KIR3DL2: variants seen among roughly 807,000 people sequenced by gnomAD.
KIR3DL2 encodes the protein killer cell immunoglobulin like receptor, three Ig domains and long cytoplasmic tail 2.
In KIR3DL2, 42 loss-of-function variants were observed where a neutral mutation model predicts 41.6. The ratio of observed to expected loss-of-function variants is 1.01; its 90% CI spans 0.79 to 1.31. KIR3DL2 has a LOEUF of 1.31. Among genes scored for constraint, KIR3DL2 ranks in the 50% most tolerant of loss-of-function variants. The pLI, the probability that KIR3DL2 is intolerant of heterozygous loss-of-function variation, is 0.00. For synonymous variants in KIR3DL2, 230 were observed against 221.3 expected (o/e 1.04, Z -0.35); for missense variants, 728 against 576.8 (o/e 1.26, Z -2.68).
At position 54,852,227 on chromosome 19, in the gene KIR3DL2, A is replaced by G; in HGVS notation, c.300A>G (p.Pro100=). ...AGTYRCRGSR[P]HSLTGWSAPS... Reference sequence around the variant, plus strand: ...CCTACAGATGTCGGGGTTCACGCCCACACTCCCTCACTGGGTGGTCGGCAC... The same window carrying G: ...CCTACAGATGTCGGGGTTCACGCCCGCACTCCCTCACTGGGTGGTCGGCAC... The change falls in exon 3 of 9, where the codon CCA becomes CCG. Residue 100 remains proline, a synonymous_variant. Transcript: ENST00000326321. The G allele has an allele frequency of 6.2e-7, 1 of 1,611,350 alleles. No individual in the cohort carries two copies. The highest frequency in any genetic ancestry group is 1.1e-5 in the South Asian group (1 of 91,048).
Position 54,865,906 on chromosome 19 carries a change from A to G in KIR3DL2, c.1102A>G (p.Lys368Glu), listed in dbSNP as rs2065477192. ...FLLYRWCSNK[K>E]NAAVMDQEPA... ...CCTTTATCGCTGGTGCTCCAACAAAAAGAGTAAGTCTCACGAAGCAGAGGC... is the reference window on the plus strand; with the variant it reads ...CCTTTATCGCTGGTGCTCCAACAAAGAGAGTAAGTCTCACGAAGCAGAGGC... The change falls in exon 7 of 9, where the codon AAG becomes GAG. Residue 368 changes from lysine (K) to glutamate (E), a missense_variant. By Grantham distance (56) the Lys-to-Glu change is moderately conservative. Coordinates refer to ENST00000326321, the MANE Select transcript of KIR3DL2 (RefSeq NM_006737.4). 6.2e-7 allele frequency: 1 copy of G among 1,611,488 alleles called. No individual in the cohort carries two copies. Among genetic ancestry groups the G allele is most frequent in the African/African-American group, 1.3e-5 (1 of 74,890 alleles).
In KIR3DL2 at chr19:54,865,925, CA is replaced by C; in HGVS notation, c.1105+17del. On this transcript the variant is annotated intron_variant, in intron 7 of 8. Transcript: ENST00000326321. ...AACAAAAAGAGTAAGTCTCACGAAG[CA>C]GAGGCCAGAGAGCTCAGGGCCATGT... The C allele has an allele frequency of 6.3e-7, 1 of 1,598,574 alleles. No individual in the cohort carries two copies. The highest frequency in any genetic ancestry group is 8.6e-7 in the Non-Finnish European group (1 of 1,166,948).
rs1461116858 is a variant in KIR3DL2 at position 54,860,600 on chromosome 19, C to G, written c.1000+1471C>G. ...ATGTTGGCCAGGCTGGTCTCAAATT[C>G]CCAACCTCAGGTGATCCAATAGCCT... On this transcript the variant is annotated intron_variant, in intron 6 of 8. Transcript: ENST00000326321. 1.4e-4 allele frequency among the ~76,000 whole-genome samples: 22 copies of G among 151,940 alleles called. 1 individual carries two copies. The highest frequency in any genetic ancestry group is 4.4e-5 in the Non-Finnish European group (3 of 67,970).
In KIR3DL2 at chr19:54,857,781, G is replaced by T. The variant is rs2064897272; in HGVS notation, c.950-1298G>T. Among the ~76,000 whole-genome samples the T allele has an allele frequency of 4.0e-5, 6 of 151,760 alleles. No homozygotes were observed. The South Asian group carries it at 1.2e-3, about 31-fold the overall frequency. ...TGGTCAGGCTGGTCTCCCGACCTCA[G>T]GTGATCCGCCCACCTCCGCCTCCCA... On this transcript the variant is annotated intron_variant, in intron 5 of 8. Transcript: ENST00000326321.
chr19:54,860,476 TCTC>T (rs1255912498), intron 6 of KIR3DL2, among the ~76,000 whole-genome samples: 3 of 151,998 alleles, frequency 2.0e-5, no homozygotes, highest in Non-Finnish European at 2.9e-5. Context: ...GCTGAACTGA[TCTC>T]CTCCCTCAGC....
At chr19:54,855,425 G>A (rs1487133946) in intron 4 of KIR3DL2, among the ~76,000 whole-genome samples, 194 bp from the exon 5 acceptor site, 1 of 151,286 alleles carries the variant, frequency 6.6e-6, no homozygotes, top group African/African-American at 2.4e-5. Flanking sequence ...CCCAGGGGTG[G>A]GGAAGTGAGG....
intron 2 of KIR3DL2, among the ~76,000 whole-genome samples, chr19:54,851,608 T>G (rs910062695): frequency 1.3e-5 from 2 of 151,424 alleles, no homozygotes; most frequent in African/African-American, 4.9e-5. Context: ...GCAGTGTGGC[T>G]GCGGTCTTTC....
At chr19:54,851,311 G>T in intron 2 of KIR3DL2, 56 bp downstream of exon 2, 1 of 1,569,966 alleles carries the variant, frequency 6.4e-7, no homozygotes, top group Non-Finnish European at 8.7e-7. Flanking sequence ...GGATTTTTCT[G>T]AAACAGGAGG....
chr19:54,863,326 G>A (rs2065308037), intron 6 of KIR3DL2, among the ~76,000 whole-genome samples: 1 of 151,960 alleles, frequency 6.6e-6, no homozygotes, highest in African/African-American at 2.4e-5. Flanking sequence ...ACGTGTCCAT[G>A]TGTCTTTATA....
At chr19:54,862,830 G>A (rs1440078973) in intron 6 of KIR3DL2, among the ~76,000 whole-genome samples, 6 of 84,318 alleles carry the variant, frequency 7.1e-5, no homozygotes, top group African/African-American at 2.4e-4. Flanking sequence ...TTTTTGTATA[G>A]TGCTTCTGAT....
rs1285715409 is a variant in KIR3DL2 at position 54,853,807 on chromosome 19, C to T, written c.416C>T (p.Thr139Ile). ...HPGPLLKSGETVILQCWSDVM... is the reference protein window; with the variant it reads ...HPGPLLKSGEIVILQCWSDVM... Reference sequence around the variant, plus strand: ...GGGCCCCTGCTGAAATCAGGAGAGACAGTCATCCTGCAATGTTGGTCAGAT... The same window carrying T: ...GGGCCCCTGCTGAAATCAGGAGAGATAGTCATCCTGCAATGTTGGTCAGAT... The change falls in exon 4 of 9, where the codon ACA (threonine) becomes ATA (isoleucine). Residue 139 changes from threonine (T) to isoleucine (I), a missense_variant. Coordinates refer to ENST00000326321, the MANE Select transcript of KIR3DL2 (RefSeq NM_006737.4). 1.2e-6 allele frequency: 2 copies of T among 1,612,246 alleles called. No individual in the cohort carries two copies. The highest frequency in any genetic ancestry group is 1.7e-6 in the Non-Finnish European group (2 of 1,178,956).
At position 54,865,696 on chromosome 19, in the gene KIR3DL2, T is replaced by G; in HGVS notation, c.1001-109T>G. On this transcript the variant is annotated intron_variant, in intron 6 of 8. Transcript: ENST00000326321. Reference sequence around the variant, plus strand: ...GCTGGGTCTCCCGCCATCAGGCTGCTTGTCCTAAGGAGATGTTCCATGTGG... The same window carrying G: ...GCTGGGTCTCCCGCCATCAGGCTGCGTGTCCTAAGGAGATGTTCCATGTGG... 4 of 953,248 alleles carry G rather than the reference T, an allele frequency of 4.2e-6. No individual in the cohort carries two copies. In the South Asian group the frequency reaches 5.8e-5, roughly 14 times the overall value. The allele number at this position is 953,248 out of a possible 1,614,324, so 59.0% of individuals were successfully genotyped here.
At chr19:54,866,285 C>A in intron 7 of KIR3DL2, 85 bp from the exon 8 acceptor site, 1 of 1,407,274 alleles carries the variant, frequency 7.1e-7, no homozygotes, top group Non-Finnish European at 1.0e-6. Context: ...CACCTACAGC[C>A]TCCCCCTGTG....
At chr19:54,852,970 G>A (rs2064412975) in intron 3 of KIR3DL2, among the ~76,000 whole-genome samples, 2 of 149,508 alleles carry the variant, frequency 1.3e-5, no homozygotes, top group African/African-American at 2.5e-5. Flanking sequence ...GGATAGCCAG[G>A]TGTGGTGGTG....
Position 54,865,910 on chromosome 19 carries a change from GT to G in KIR3DL2, c.1105+2del. On this transcript the variant is annotated splice_donor_variant, in intron 7 of 8. Coordinates refer to ENST00000326321, the MANE Select transcript of KIR3DL2 (RefSeq NM_006737.4). LOFTEE classifies it high-confidence loss of function. ...TATCGCTGGTGCTCCAACAAAAAGA[GT>G]AAGTCTCACGAAGCAGAGGCCAGAG... is the stretch of plus-strand genomic sequence containing the variant. 1 of 1,610,522 alleles carries G rather than the reference GT, an allele frequency of 6.2e-7. No individual in the cohort carries two copies. The highest frequency in any genetic ancestry group is 8.5e-7 in the Non-Finnish European group (1 of 1,177,262).
Position 54,852,186 on chromosome 19 carries a change from C to G in KIR3DL2, c.259C>G (p.Pro87Ala), listed in dbSNP as rs372468732. ...GAGCTTCATCATGGGCCCTGTGACC[C>G]CAGCACATGCAGGGACCTACAGATG... The part of the protein sequence containing the change: ...QESFIMGPVT[P>A]AHAGTYRCRG... The change falls in exon 3 of 9, where the codon CCA becomes GCA. Residue 87 changes from proline to alanine, a missense_variant. Coordinates refer to ENST00000326321, the MANE Select transcript of KIR3DL2 (RefSeq NM_006737.4). 2 of 1,612,266 alleles carry G rather than the reference C, an allele frequency of 1.2e-6. No homozygotes were observed. The highest frequency in any genetic ancestry group is 1.7e-6 in the Non-Finnish European group (2 of 1,179,384).
At chr19:54,855,019 ATGAT>A (rs1308805491) in intron 4 of KIR3DL2, among the ~76,000 whole-genome samples, 1 of 145,330 alleles carries the variant, frequency 6.9e-6, no homozygotes. Context: ...TACATAGATG[ATGAT>A]TGATAGATGA....
rs189906225 is a variant in KIR3DL2 at position 54,866,576 on chromosome 19, G to A, written c.1213G>A (p.Val405Ile). The A allele has an allele frequency of 9.0e-5, 146 of 1,614,008 alleles. No individual in the cohort carries two copies. The Middle Eastern group carries it at 1.6e-3, about 18-fold the overall frequency. ...EVTYAQLDHCVFIQRKISRPS... is the reference protein window; with the variant it reads ...EVTYAQLDHCIFIQRKISRPS... ...GACGTACGCACAGTTGGATCACTGC[G>A]TTTTCATACAGAGAAAAATCAGTCG... Residue 405 changes from valine to isoleucine, a missense_variant, in exon 9 of 9, where the codon GTT (valine) becomes ATT (isoleucine). Coordinates refer to ENST00000326321, the MANE Select transcript of KIR3DL2 (RefSeq NM_006737.4).
Position 54,853,893 on chromosome 19 carries a change from G to T in KIR3DL2, c.502G>T (p.Val168Phe), listed in dbSNP as rs765924648. Residue 168 changes from valine to phenylalanine, a missense_variant, in exon 4 of 9, where the codon GTT (valine) becomes TTT (phenylalanine). Transcript: ENST00000326321. ...EGISEDPSRL[V>F]GQIHDGVSKA... ...GATCTCTGAGGACCCCTCACGCCTC[G>T]TTGGACAGATCCATGATGGGGTCTC... 2 of 1,613,112 alleles carry T rather than the reference G, an allele frequency of 1.2e-6. No individual in the cohort carries two copies. Among genetic ancestry groups the T allele is most frequent in the African/African-American group, 2.7e-5 (2 of 74,418 alleles).
Sources: gnomAD v4.1 joint callset for allele counts (sites outside exome capture counted in the v4.1 genomes callset) on GRCh38, gnomAD v4.1.1 for gene constraint, MANE v1.5 for transcripts, NCBI Gene and HGNC (gene_info 2026-07-23, HGNC 2026-07-21) for gene names.